Variants in CNTNAP2 observed in about 807,000 individuals in gnomAD.
CNTNAP2 encodes the protein contactin associated protein 2.
A neutral mutation model predicts 155.2 loss-of-function variants in CNTNAP2; 98 were observed. The observed-to-expected ratio is 0.63, with a 90% confidence interval of 0.54 to 0.75. The LOEUF is 0.75. Among genes scored for constraint, CNTNAP2 ranks in the 30% least tolerant of loss-of-function variants. The probability of loss-of-function intolerance (pLI) is 0.00; values close to 1 mark genes in which losing one functional copy is unlikely to be tolerated. For missense variants in CNTNAP2, 1,727 were observed against 1,688.1 expected (o/e 1.02, Z -0.40); for synonymous variants, 651 against 631.2 (o/e 1.03, Z -0.47).
intron 1 of CNTNAP2, among the ~76,000 whole-genome samples, chr7:146,773,222 AT>A (rs1290878265): frequency 6.6e-6 from 1 of 152,210 alleles, no homozygotes; most frequent in Non-Finnish European, 1.5e-5. Context: ...AGAAAAAAAA[AT>A]CTTAATGACA....
chr7:147,185,415 A>AATTTGT (rs1373421871), intron 8 of CNTNAP2, among the ~76,000 whole-genome samples: 1 of 152,122 alleles, frequency 6.6e-6, no homozygotes, highest in Admixed American at 6.6e-5. Context: ...AGGCACAGAA[A>AATTTGT]ATTTGTATGA....
At chr7:146,329,316 A>C (rs578202666) in intron 1 of CNTNAP2, among the ~76,000 whole-genome samples, 55 of 152,304 alleles carry the variant, frequency 3.6e-4, no homozygotes, top group African/African-American at 1.2e-3. Flanking sequence ...ATCATGTTCC[A>C]AACAAAAAAT....
intron 8 of CNTNAP2, among the ~76,000 whole-genome samples, chr7:147,271,884 A>G (rs1405099276): frequency 1.3e-5 from 2 of 152,134 alleles, no homozygotes; most frequent in Non-Finnish European, 2.9e-5. Context: ...TAGTAATTTG[A>G]AATTATTATC....
chr7:148,388,286 C>T, intron 22 of CNTNAP2, among the ~76,000 whole-genome samples: 1 of 116,810 alleles, frequency 8.6e-6, no homozygotes, highest in East Asian at 3.1e-4. Flanking sequence ...CAGTGCTATC[C>T]CTCCCCCCTC....
intron 1 of CNTNAP2, among the ~76,000 whole-genome samples, chr7:146,671,742 AT>A (rs1466522921): frequency 4.6e-5 from 7 of 152,188 alleles, no homozygotes; most frequent in Admixed American, 1.3e-4. Flanking sequence ...TTCTCCTTCC[AT>A]TTTAGTCAAA....
At chr7:148,262,547 C>T (rs754244072) in intron 20 of CNTNAP2, among the ~76,000 whole-genome samples, 1 of 152,106 alleles carries the variant, frequency 6.6e-6, no homozygotes, top group African/African-American at 2.4e-5. Flanking sequence ...TAAGAGTCTC[C>T]TGCGTTCCTT....
chr7:147,949,453 TA>T lies in CNTNAP2; in HGVS notation c.2256-28408del, dbSNP rs1276498193. ...GATCAACTGTGTGTATATATATATA[TA>T]TATATTTTTTTTTTTTAGGTTTATT... is the stretch of plus-strand genomic sequence containing the variant. On this transcript the variant is annotated intron_variant, in intron 14 of 23. Transcript: ENST00000361727. 1.1e-3 allele frequency among the ~76,000 whole-genome samples: 159 copies of T among 138,502 alleles called. 1 individual carries two copies. The highest frequency in any genetic ancestry group is 4.3e-3 in the African/African-American group (156 of 35,866). The allele number at this position is 138,502 out of a possible 152,430, so 90.9% of individuals were successfully genotyped here.
At chr7:146,934,892 A>T (rs915647966) in intron 3 of CNTNAP2, among the ~76,000 whole-genome samples, 1 of 152,216 alleles carries the variant, frequency 6.6e-6, no homozygotes, top group Non-Finnish European at 1.5e-5. Flanking sequence ...GTAAACAGTG[A>T]CCATGACCTT....
At chr7:147,530,491 T>C (rs1799412427) in intron 11 of CNTNAP2, among the ~76,000 whole-genome samples, 1 of 152,104 alleles carries the variant, frequency 6.6e-6, no homozygotes, top group Non-Finnish European at 1.5e-5. Flanking sequence ...AGGCATTTCT[T>C]ACATGGCAGT....
At chr7:148,245,423 G>A (rs975093120) in intron 20 of CNTNAP2, among the ~76,000 whole-genome samples, 1 of 152,212 alleles carries the variant, frequency 6.6e-6, no homozygotes, top group African/African-American at 2.4e-5. Flanking sequence ...AATGTTAGAT[G>A]CTGATGTGGA....
chr7:146,374,444 A>T (rs1795278617), intron 1 of CNTNAP2, among the ~76,000 whole-genome samples: 1 of 152,234 alleles, frequency 6.6e-6, no homozygotes, highest in Non-Finnish European at 1.5e-5. Flanking sequence ...AAGCTAAGAA[A>T]AACGGGATGA....
intron 4 of CNTNAP2, among the ~76,000 whole-genome samples, chr7:147,062,149 A>C (rs776807981): frequency 0.019 from 2,281 of 117,796 alleles, 56 homozygotes; most frequent in Middle Eastern, 0.058. Flanking sequence ...AAAAAAAAAA[A>C]AAAAAAAAAA....
chr7:148,354,027 C>T (rs1378102914), intron 21 of CNTNAP2, among the ~76,000 whole-genome samples: 3 of 152,120 alleles, frequency 2.0e-5, no homozygotes, highest in Non-Finnish European at 4.4e-5. Flanking sequence ...AACTTTTAAC[C>T]CTAACTTTGT....
At chr7:147,857,254 C>T (rs1563113331) in intron 13 of CNTNAP2, among the ~76,000 whole-genome samples, 1 of 152,160 alleles carries the variant, frequency 6.6e-6, no homozygotes, top group Non-Finnish European at 1.5e-5. Context: ...ATTTTTCTAA[C>T]ACATGGAATT....
At chr7:146,751,214 AATTTGAGTATACAAATTTGAGCATACAC>A (rs1563216084) in intron 1 of CNTNAP2, among the ~76,000 whole-genome samples, 1 of 152,186 alleles carries the variant, frequency 6.6e-6, no homozygotes, top group East Asian at 1.9e-4. Flanking sequence ...CGAGCATACA[AATTTGAGTATACAAATTTGAGCATACAC>A]ATTTGAGCAT....
At chr7:148,017,325 T>C (rs925433706) in intron 15 of CNTNAP2, among the ~76,000 whole-genome samples, 2 of 152,232 alleles carry the variant, frequency 1.3e-5, no homozygotes, top group African/African-American at 2.4e-5. Context: ...GTTCATCTGA[T>C]AAACTACATT....
At chr7:146,430,071 C>T (rs1251472617) in intron 1 of CNTNAP2, among the ~76,000 whole-genome samples, 1 of 152,008 alleles carries the variant, frequency 6.6e-6, no homozygotes, top group Non-Finnish European at 1.5e-5. Flanking sequence ...GGGATGAAGC[C>T]AACTTGATTG....
intron 4 of CNTNAP2, among the ~76,000 whole-genome samples, chr7:147,100,082 T>G (rs1440476858): frequency 6.6e-6 from 1 of 151,912 alleles, no homozygotes; most frequent in East Asian, 1.9e-4. Flanking sequence ...GGGTAATGAG[T>G]GGATGAGAGC....
chr7:147,033,389 A>G (rs1053017009), intron 3 of CNTNAP2, among the ~76,000 whole-genome samples: 2 of 151,502 alleles, frequency 1.3e-5, no homozygotes, highest in African/African-American at 2.4e-5. Context: ...TTTTTATCCC[A>G]TGATCTCTGA....
Sources: gnomAD v4.1 joint callset for allele counts (sites outside exome capture counted in the v4.1 genomes callset) on GRCh38, gnomAD v4.1.1 for gene constraint, MANE v1.5 for transcripts, NCBI Gene and HGNC (gene_info 2026-07-23, HGNC 2026-07-21) for gene names.